Variants in CSMD1 observed in about 807,000 individuals in gnomAD.
CSMD1 encodes the protein CUB and sushi domain-containing protein 1.
A neutral mutation model predicts 417.5 loss-of-function variants in CSMD1; 213 were observed. The ratio of observed to expected loss-of-function variants is 0.51; its 90% CI spans 0.46 to 0.57. CSMD1 has a LOEUF of 0.57. Ranked by LOEUF, CSMD1 falls within the 20% of genes least tolerant of loss-of-function variation. The pLI, the probability that CSMD1 is intolerant of heterozygous loss-of-function variation, is 0.00. For missense variants in CSMD1, 6,923 were observed against 4,529.7 expected, an observed-to-expected ratio of 1.53 and a Z score of -15.17; for synonymous variants, 2,862 against 1,736.8, an observed-to-expected ratio of 1.65 and a Z score of -16.11.
chr8:4,890,193 T>C (rs992635391), intron 1 of CSMD1, among the ~76,000 whole-genome samples: 1 of 152,108 alleles, frequency 6.6e-6, no homozygotes, highest in African/African-American at 2.4e-5. Context: ...TTAGTCAATA[T>C]CTCATAAACA....
chr8:4,040,889 T>C (rs943762571), intron 3 of CSMD1, among the ~76,000 whole-genome samples: 4 of 152,188 alleles, frequency 2.6e-5, no homozygotes, highest in African/African-American at 4.8e-5. Context: ...ACTATGTAAA[T>C]GGCTCTTGAG....
At chr8:3,335,360 C>T (rs1285817652) in intron 23 of CSMD1, among the ~76,000 whole-genome samples, 1 of 152,178 alleles carries the variant, frequency 6.6e-6, no homozygotes, top group Non-Finnish European at 1.5e-5. Flanking sequence ...CCCAACGACA[C>T]AAATGGTCTC....
At chr8:4,383,381 T>G (rs940585649) in intron 3 of CSMD1, among the ~76,000 whole-genome samples, 1 of 152,194 alleles carries the variant, frequency 6.6e-6, no homozygotes, top group Admixed American at 6.6e-5. Flanking sequence ...AAATGTTTAC[T>G]TGGGGGCTAC....
intron 3 of CSMD1, among the ~76,000 whole-genome samples, chr8:4,108,073 C>CAG (rs1325316678): frequency 1.4e-5 from 2 of 147,664 alleles, no homozygotes; most frequent in African/African-American, 5.0e-5. Context: ...GAGACAGAGA[C>CAG]AGAGAGAGAG....
intron 41 of CSMD1, among the ~76,000 whole-genome samples, chr8:3,129,639 G>A (rs1817686096): frequency 6.7e-6 from 1 of 148,614 alleles, no homozygotes; most frequent in African/African-American, 2.5e-5. Context: ...GCCAGGCATG[G>A]TGACACACAC....
chr8:4,611,756 T>G (rs1801187125), intron 2 of CSMD1, among the ~76,000 whole-genome samples: 1 of 152,222 alleles, frequency 6.6e-6, no homozygotes, highest in East Asian at 1.9e-4. Context: ...GAGTCATCTA[T>G]TCAAAATGTA....
intron 2 of CSMD1, among the ~76,000 whole-genome samples, chr8:4,448,706 T>C (rs1464193217): frequency 3.8e-4 from 58 of 152,224 alleles, no homozygotes; most frequent in Non-Finnish European, 7.3e-5. Context: ...TTTTTTGGCA[T>C]TGCCCATTTC....
chr8:4,487,851 A>C (rs1462303041), intron 2 of CSMD1, among the ~76,000 whole-genome samples: 4 of 152,218 alleles, frequency 2.6e-5, no homozygotes, highest in Non-Finnish European at 2.9e-5. Context: ...CTTTATTTCC[A>C]TTTATCTGTA....
chr8:3,670,797 T>G (rs1250474947), intron 7 of CSMD1, among the ~76,000 whole-genome samples: 1 of 150,540 alleles, frequency 6.6e-6, no homozygotes, highest in Non-Finnish European at 1.5e-5. Context: ...TACATGTATA[T>G]GGGATATATA....
intron 2 of CSMD1, among the ~76,000 whole-genome samples, chr8:4,466,891 T>C (rs1800204691): frequency 2.0e-5 from 3 of 151,864 alleles, no homozygotes; most frequent in East Asian, 1.9e-4. Context: ...TATTTTTAAT[T>C]ATATTGAAAT....
At chr8:3,575,941 GAGC>G (rs1344660719) in intron 9 of CSMD1, among the ~76,000 whole-genome samples, 1 of 151,832 alleles carries the variant, frequency 6.6e-6, no homozygotes, top group Non-Finnish European at 1.5e-5. Context: ...TTTCAGAAAG[GAGC>G]AGAAGAAACT....
chr8:4,916,581 A>G (rs1346228206), intron 1 of CSMD1, among the ~76,000 whole-genome samples: 4 of 152,238 alleles, frequency 2.6e-5, no homozygotes, highest in Admixed American at 2.6e-4. Flanking sequence ...TGCTCAATAA[A>G]TGTAAGTTGA....
chr8:3,710,445 C>T (rs989093610), intron 6 of CSMD1, among the ~76,000 whole-genome samples: 6 of 152,058 alleles, frequency 3.9e-5, no homozygotes, highest in Non-Finnish European at 1.5e-5. Flanking sequence ...TGTCCTGAGC[C>T]CAGCCAACTC....
intron 5 of CSMD1, among the ~76,000 whole-genome samples, chr8:3,805,966 T>A (rs527402004): frequency 3.4e-4 from 52 of 152,210 alleles, no homozygotes; most frequent in African/African-American, 1.3e-3. Flanking sequence ...TCTTCTTCCG[T>A]CTTCAGATTC....
At chr8:4,837,020 T>A (rs1221011920) in intron 1 of CSMD1, among the ~76,000 whole-genome samples, 1 of 148,644 alleles carries the variant, frequency 6.7e-6, no homozygotes, top group East Asian at 1.9e-4. Flanking sequence ...GGCTCTGGCC[T>A]TGATGTTGTT....
At chr8:4,332,022 C>T (rs1799894318) in intron 3 of CSMD1, among the ~76,000 whole-genome samples, 1 of 152,132 alleles carries the variant, frequency 6.6e-6, no homozygotes, top group South Asian at 2.1e-4. Flanking sequence ...AACCCACAAA[C>T]AATGATGGAT....
chr8:3,839,307 T>A lies in CSMD1; in HGVS notation c.819-85265A>T, dbSNP rs1203389254. Among the ~76,000 whole-genome samples the A allele has an allele frequency of 1.2e-3, 151 of 123,562 alleles. 1 individual carries two copies. Among genetic ancestry groups the A allele is most frequent in the African/African-American group, 4.3e-3 (141 of 32,690 alleles). The allele number at this position is 123,562 out of a possible 152,430, so 81.1% of individuals were successfully genotyped here. On this transcript the variant is annotated intron_variant, in intron 5 of 69. Transcript: ENST00000635120. ...TATTAATTATATATACTATTATATA[T>A]ACTATTAATATATATTAATTATATA...
At chr8:3,693,025 T>G (rs1368289745) in intron 7 of CSMD1, among the ~76,000 whole-genome samples, 1 of 152,202 alleles carries the variant, frequency 6.6e-6, no homozygotes, top group Non-Finnish European at 1.5e-5. Flanking sequence ...GGTAAACTCT[T>G]AAGAAGGTTT....
chr8:3,524,303 TCA>T (rs1398710026), intron 10 of CSMD1, among the ~76,000 whole-genome samples: 1 of 116,948 alleles, frequency 8.6e-6, no homozygotes, highest in Non-Finnish European at 1.8e-5. Flanking sequence ...ACACGTACAC[TCA>T]GAGACATATG....
Sources: gnomAD v4.1 joint callset for allele counts (sites outside exome capture counted in the v4.1 genomes callset) on GRCh38, gnomAD v4.1.1 for gene constraint, MANE v1.5 for transcripts, NCBI Gene and HGNC (gene_info 2026-07-23, HGNC 2026-07-21) for gene names.